ARHGAP15: variants seen among roughly 807,000 people sequenced by gnomAD.
The protein encoded by ARHGAP15 is Rho GTPase activating protein 15, also known as rho GTPase-activating protein 15.
Under a neutral mutation model 63.7 loss-of-function variants are expected in ARHGAP15, and 51 were observed. The ratio of observed to expected loss-of-function variants is 0.80; its 90% CI spans 0.64 to 1.01. ARHGAP15 has a LOEUF of 1.01. Ranked by LOEUF, ARHGAP15 falls within the 50% of genes least tolerant of loss-of-function variation. The pLI, the probability that ARHGAP15 is intolerant of heterozygous loss-of-function variation, is 0.00. For synonymous variants in ARHGAP15, 191 were observed against 193.8 expected (o/e 0.99, Z 0.12); for missense variants, 560 against 564.6 (o/e 0.99, Z 0.08).
At chr2:143,293,728 G>A (rs1031257040) in intron 6 of ARHGAP15, among the ~76,000 whole-genome samples, 6 of 151,850 alleles carry the variant, frequency 4.0e-5, no homozygotes. Flanking sequence ...GGAAGGAAAC[G>A]GAAAGTAATA....
chr2:143,724,766 G>T (rs1685207911), intron 13 of ARHGAP15, among the ~76,000 whole-genome samples: 1 of 152,146 alleles, frequency 6.6e-6, no homozygotes, highest in Non-Finnish European at 1.5e-5. Flanking sequence ...TTTCGGACAA[G>T]CATAGTAAGA....
At chr2:143,633,667 T>C (rs546262902) in intron 12 of ARHGAP15, among the ~76,000 whole-genome samples, 1 of 152,282 alleles carries the variant, frequency 6.6e-6, no homozygotes, top group South Asian at 2.1e-4. Context: ...TGAATAGACC[T>C]GCTTTTAAAA....
At chr2:143,470,563 T>C (rs1282730994) in intron 8 of ARHGAP15, among the ~76,000 whole-genome samples, 1 of 150,514 alleles carries the variant, frequency 6.6e-6, no homozygotes, top group African/African-American at 2.4e-5. Flanking sequence ...GGAAATAGCA[T>C]AAAAGTAGTG....
chr2:143,379,992 A>G (rs1291442736), intron 6 of ARHGAP15, among the ~76,000 whole-genome samples: 1 of 152,060 alleles, frequency 6.6e-6, no homozygotes, highest in East Asian at 1.9e-4. Flanking sequence ...CTTTGTGTAA[A>G]GCAGTATAGT....
intron 8 of ARHGAP15, among the ~76,000 whole-genome samples, chr2:143,467,164 T>C (rs1275085123): frequency 1.3e-5 from 2 of 151,274 alleles, no homozygotes; most frequent in African/African-American, 2.4e-5. Context: ...ATTTCTAATA[T>C]ATAGACTGGG....
chr2:143,346,721 T>A (rs1283085756), intron 6 of ARHGAP15, among the ~76,000 whole-genome samples: 1 of 152,194 alleles, frequency 6.6e-6, no homozygotes, highest in Non-Finnish European at 1.5e-5. Context: ...CTTCACATTA[T>A]TTTGTCAGTT....
At chr2:143,610,199 G>A (rs562807697) in intron 11 of ARHGAP15, among the ~76,000 whole-genome samples, 2 of 152,152 alleles carry the variant, frequency 1.3e-5, no homozygotes, top group South Asian at 2.1e-4. Flanking sequence ...TAAAATGTAT[G>A]GTGAAGGTGT....
chr2:143,235,975 C>A (rs1693626612), intron 5 of ARHGAP15: 1 of 1,544,760 alleles, frequency 6.5e-7, no homozygotes, highest in Non-Finnish European at 8.7e-7. Flanking sequence ...CAGGAGGCAC[C>A]TGACCATGTT....
chr2:143,438,339 A>AAT lies in ARHGAP15; in HGVS notation c.703+1302_703+1303dup, dbSNP rs760288380. 8.1e-3 allele frequency among the ~76,000 whole-genome samples: 1,233 copies of AAT among 152,154 alleles called. 12 individuals are homozygous for AAT. The highest frequency in any genetic ancestry group is 0.012 in the Non-Finnish European group (831 of 67,972). Reference sequence around the variant, plus strand: ...GTGTACATATATGTGTGCATTAAGAAATATATGTATATACACATACATGCA... The same window carrying AAT: ...GTGTACATATATGTGTGCATTAAGAAATATATATGTATATACACATACATGCA... On this transcript the variant is annotated intron_variant, in intron 8 of 13. Transcript: ENST00000295095.
intron 9 of ARHGAP15, among the ~76,000 whole-genome samples, chr2:143,511,465 CA>C: frequency 6.6e-6 from 1 of 152,180 alleles, no homozygotes; most frequent in African/African-American, 2.4e-5. Flanking sequence ...AAATAATATG[CA>C]TATTTTTATG....
rs1680659066 is a variant in ARHGAP15, at chr2:143,642,611, A to G, written c.1138+18344A>G. ...GTCCAAGCCATGCTATATGCTCCTC[A>G]AGGAGAGTACTGAAGAAGTAAGAGG... On this transcript the variant is annotated intron_variant, in intron 12 of 13. Transcript: ENST00000295095. Among the ~76,000 whole-genome samples the G allele has an allele frequency of 2.6e-5, 4 of 152,104 alleles. No homozygotes were observed. The South Asian group carries it at 8.3e-4, about 31-fold the overall frequency.
At chr2:143,287,219 G>A (rs1682149211) in intron 6 of ARHGAP15, among the ~76,000 whole-genome samples, 1 of 152,024 alleles carries the variant, frequency 6.6e-6, no homozygotes. Flanking sequence ...AATTATATTA[G>A]TCCTTAGAAG....
chr2:143,309,217 A>G (rs897714992), intron 6 of ARHGAP15, among the ~76,000 whole-genome samples: 6 of 152,114 alleles, frequency 3.9e-5, no homozygotes, highest in African/African-American at 7.2e-5. Context: ...ATTTAGCAAC[A>G]AAGAGCCTAG....
At chr2:143,668,610 C>G (rs927529807) in intron 12 of ARHGAP15, among the ~76,000 whole-genome samples, 2 of 152,200 alleles carry the variant, frequency 1.3e-5, no homozygotes, top group Non-Finnish European at 2.9e-5. Flanking sequence ...TTTTATACAG[C>G]CTACATGACC....
chr2:143,161,895 G>A (rs983525044), intron 2 of ARHGAP15, among the ~76,000 whole-genome samples: 1 of 151,852 alleles, frequency 6.6e-6, no homozygotes, highest in African/African-American at 2.4e-5. Flanking sequence ...CCGTCTGTAG[G>A]AGGGCTCACC....
At chr2:143,744,238 A>C (rs1334366089) in intron 13 of ARHGAP15, among the ~76,000 whole-genome samples, 1 of 152,242 alleles carries the variant, frequency 6.6e-6, no homozygotes, top group African/African-American at 2.4e-5. Flanking sequence ...AGACTTGGGG[A>C]GGCCAACTTT....
intron 3 of ARHGAP15, among the ~76,000 whole-genome samples, chr2:143,203,730 G>A (rs1200799571): frequency 2.6e-5 from 4 of 151,756 alleles, no homozygotes; most frequent in African/African-American, 9.7e-5. Context: ...CCCTTTACTG[G>A]TCCCTCTTCA....
At chr2:143,395,391 C>T (rs549749426) in intron 6 of ARHGAP15, among the ~76,000 whole-genome samples, 7 of 152,140 alleles carry the variant, frequency 4.6e-5, no homozygotes, top group Non-Finnish European at 8.8e-5. Context: ...AAAACAAAGT[C>T]GATGACTTCA....
At chr2:143,534,022 A>T (rs993939051) in intron 10 of ARHGAP15, among the ~76,000 whole-genome samples, 4 of 152,130 alleles carry the variant, frequency 2.6e-5, no homozygotes, top group Non-Finnish European at 5.9e-5. Flanking sequence ...CTCTCCAGTG[A>T]GCCTGATGGA....
Sources: allele counts gnomAD v4.1 joint callset (sites outside exome capture counted in the v4.1 genomes callset), GRCh38; gene constraint gnomAD v4.1.1; transcripts MANE v1.5; gene names NCBI Gene and HGNC (gene_info 2026-07-23, HGNC 2026-07-21).